The following RYR2 variants were observed in gnomAD, a reference collection of about 807,000 sequenced individuals.
RYR2 encodes ryanodine receptor 2, also known as cardiac muscle ryanodine receptor-calcium release channel.
A neutral mutation model predicts 601.1 loss-of-function variants in RYR2; 227 were observed. That is an observed-to-expected ratio of 0.38 (90% CI 0.34 to 0.42). RYR2 has a LOEUF of 0.42. RYR2 is among the 10% of genes least tolerant of loss of function. The pLI is 1.00. For synonymous variants in RYR2, 2,223 were observed against 2,175.1 expected (o/e 1.02, Z -0.61); for missense variants, 4,646 against 6,156.5 (o/e 0.75, Z 8.21).
chr1:237,683,747 G>C (rs1007241259), intron 62 of RYR2, among the ~76,000 whole-genome samples: 3 of 152,108 alleles, frequency 2.0e-5, no homozygotes, highest in African/African-American at 4.8e-5. Context: ...GTGAAAGAAT[G>C]ATCAGAGCTT....
chr1:237,408,601 A>G (rs1339490726), intron 10 of RYR2, among the ~76,000 whole-genome samples: 2 of 151,938 alleles, frequency 1.3e-5, no homozygotes, highest in African/African-American at 2.4e-5. Context: ...AAGTCCTGAA[A>G]TCAGATAGTG....
chr1:237,055,945 C>T (rs1391359340), intron 1 of RYR2, among the ~76,000 whole-genome samples: 2 of 151,716 alleles, frequency 1.3e-5, no homozygotes, highest in Non-Finnish European at 2.9e-5. Flanking sequence ...GAGCACTGCA[C>T]CTGTGAGGAC....
At chr1:237,595,298 C>G (rs1454659634) in intron 33 of RYR2, among the ~76,000 whole-genome samples, 200 bp from the exon 34 acceptor site, 1 of 152,076 alleles carries the variant, frequency 6.6e-6, no homozygotes. Flanking sequence ...AATGTAGAGA[C>G]TTATAAGACC....
At chr1:237,176,178 G>A (rs1046105254) in intron 1 of RYR2, among the ~76,000 whole-genome samples, 2 of 151,182 alleles carry the variant, frequency 1.3e-5, no homozygotes, top group East Asian at 1.9e-4. Flanking sequence ...CGGGGAGCTC[G>A]GGGAGCTATG....
chr1:237,452,659 A>G (rs1011556631), intron 14 of RYR2, among the ~76,000 whole-genome samples: 2 of 150,438 alleles, frequency 1.3e-5, no homozygotes, highest in African/African-American at 4.8e-5. Context: ...TTTGTTAGGT[A>G]ATAATATAGT....
At chr1:237,533,494 G>A (rs1414036928) in intron 25 of RYR2, among the ~76,000 whole-genome samples, 1 of 152,036 alleles carries the variant, frequency 6.6e-6, no homozygotes, top group Admixed American at 6.6e-5. Flanking sequence ...AAGAATAAGG[G>A]GGTAGTTATA....
At chr1:237,665,057 C>T (rs1214880168) in intron 56 of RYR2, among the ~76,000 whole-genome samples, 1 of 152,124 alleles carries the variant, frequency 6.6e-6, no homozygotes, top group Admixed American at 6.5e-5. Flanking sequence ...ACATCCATTA[C>T]CTAGTTTCAT....
intron 69 of RYR2, 32 bp from the exon 70 acceptor site, chr1:237,709,448 T>A: frequency 7.1e-7 from 1 of 1,405,304 alleles, no homozygotes; most frequent in Non-Finnish European, 1.0e-6. Flanking sequence ...AAGGAGTAGC[T>A]GAGAAACCAC....
chr1:237,502,480 A>G (rs1664744403), intron 21 of RYR2, among the ~76,000 whole-genome samples: 1 of 152,140 alleles, frequency 6.6e-6, no homozygotes, highest in South Asian at 2.1e-4. Flanking sequence ...TCTACGGGCC[A>G]GGGCTGGGGT....
chr1:237,596,607 G>A (rs1234671554), intron 34 of RYR2, among the ~76,000 whole-genome samples: 1 of 137,022 alleles, frequency 7.3e-6, no homozygotes, highest in Non-Finnish European at 1.7e-5. Context: ...ACAAAATAAT[G>A]ACTAATAACT....
At chr1:237,794,711 G>A (rs117058809) in intron 95 of RYR2, among the ~76,000 whole-genome samples, 5,942 of 152,254 alleles carry the variant, frequency 0.039, 128 homozygotes, top group Middle Eastern at 0.11. Flanking sequence ...AATGGGTTCC[G>A]AGTTGTCAAA....
At chr1:237,255,614 T>C (rs1354766055) in intron 1 of RYR2, among the ~76,000 whole-genome samples, 4 of 152,192 alleles carry the variant, frequency 2.6e-5, no homozygotes, top group Admixed American at 2.0e-4. Flanking sequence ...TAGATGACAT[T>C]CATGAGGGCA....
chr1:237,282,311 C>A (rs1416179035), intron 2 of RYR2, among the ~76,000 whole-genome samples: 1 of 151,778 alleles, frequency 6.6e-6, no homozygotes, highest in African/African-American at 2.4e-5. Flanking sequence ...AACAGATGAA[C>A]ATGGCTGTGT....
chr1:237,374,967 G>T (rs1020331685), intron 7 of RYR2, among the ~76,000 whole-genome samples, 172 bp downstream of exon 7: 4 of 152,210 alleles, frequency 2.6e-5, no homozygotes, highest in South Asian at 2.1e-4. Flanking sequence ...CATTCCTCTT[G>T]GTTATTCCCA....
intron 12 of RYR2, among the ~76,000 whole-genome samples, chr1:237,437,820 C>T (rs979161815): frequency 3.3e-5 from 5 of 152,062 alleles, no homozygotes; most frequent in African/African-American, 1.2e-4. Context: ...ATTATTCTTG[C>T]AGGATAGAAG....
chr1:237,456,075 C>T (rs1658778682), intron 15 of RYR2, among the ~76,000 whole-genome samples: 1 of 152,000 alleles, frequency 6.6e-6, no homozygotes, highest in Admixed American at 6.6e-5. Flanking sequence ...GGTTAGATAG[C>T]TCTTTATGTG....
intron 1 of RYR2, among the ~76,000 whole-genome samples, chr1:237,193,909 T>C (rs1279406307): frequency 2.0e-5 from 3 of 152,242 alleles, no homozygotes; most frequent in African/African-American, 7.2e-5. Context: ...AAATCTCTTA[T>C]GAAGAAAAGA....
At chr1:237,362,941 C>T (rs566559160) in intron 4 of RYR2, among the ~76,000 whole-genome samples, 4 of 152,030 alleles carry the variant, frequency 2.6e-5, no homozygotes, top group African/African-American at 4.8e-5. Flanking sequence ...TTAGCAATGC[C>T]GAATAGCAGA....
chr1:237,525,149 A>C (rs1370823042), intron 24 of RYR2, among the ~76,000 whole-genome samples: 1 of 152,004 alleles, frequency 6.6e-6, no homozygotes. Context: ...AGTCCCTACT[A>C]TCTATTATTT....
Sources: gnomAD v4.1 joint callset for allele counts (sites outside exome capture counted in the v4.1 genomes callset) on GRCh38, gnomAD v4.1.1 for gene constraint, MANE v1.5 for transcripts, NCBI Gene and HGNC (gene_info 2026-07-23, HGNC 2026-07-21) for gene names.